The following LRMDA variants were observed in gnomAD, a reference collection of about 807,000 sequenced individuals.
LRMDA encodes leucine rich melanocyte differentiation associated, also known as leucine-rich melanocyte differentiation-associated protein.
A neutral mutation model predicts 29.8 loss-of-function variants in LRMDA; 18 were observed. That is an observed-to-expected ratio of 0.60 (90% CI 0.42 to 0.90). The LOEUF is 0.90. Ranked by LOEUF, LRMDA falls within the 40% of genes least tolerant of loss-of-function variation. LRMDA has a pLI of 0.00. For missense variants in LRMDA, 273 were observed against 273.9 expected (o/e 1.00, Z 0.02); for synonymous variants, 125 against 109.4 (o/e 1.14, Z -0.89).
intron 2 of LRMDA, among the ~76,000 whole-genome samples, chr10:75,686,428 A>G (rs1263227345): frequency 6.6e-6 from 1 of 152,176 alleles, no homozygotes; most frequent in Non-Finnish European, 1.5e-5. Flanking sequence ...TGTTTTCTCC[A>G]TGGTGCTTGC....
chr10:76,338,397 T>TAAATAAAA (rs775759225), intron 6 of LRMDA, among the ~76,000 whole-genome samples: 1 of 149,760 alleles, frequency 6.7e-6, no homozygotes, highest in African/African-American at 2.5e-5. Flanking sequence ...AATAAATAAA[T>TAAATAAAA]AATAAATAAA....
At chr10:75,552,112 T>G (rs1163600977) in intron 2 of LRMDA, among the ~76,000 whole-genome samples, 3 of 152,126 alleles carry the variant, frequency 2.0e-5, no homozygotes, top group Non-Finnish European at 4.4e-5. Flanking sequence ...ATTATCCACA[T>G]TTTAATCATT....
intron 2 of LRMDA, among the ~76,000 whole-genome samples, chr10:75,646,835 G>A (rs897429008): frequency 2.0e-5 from 3 of 152,142 alleles, no homozygotes; most frequent in East Asian, 1.9e-4. Flanking sequence ...AGGTACTAAC[G>A]AAGTAATATA....
chr10:76,097,751 A>G (rs2132098731), intron 5 of LRMDA, among the ~76,000 whole-genome samples: 1 of 152,316 alleles, frequency 6.6e-6, no homozygotes, highest in South Asian at 2.1e-4. Flanking sequence ...CCAGCCTTGC[A>G]TTCCCAGGAT....
At chr10:76,438,031 C>G (rs900793910) in intron 6 of LRMDA, among the ~76,000 whole-genome samples, 5 of 152,124 alleles carry the variant, frequency 3.3e-5, no homozygotes, top group African/African-American at 1.2e-4. Context: ...CTTCACTTAC[C>G]CTTAGTGTGA....
At chr10:75,474,858 C>G (rs868727299) in intron 2 of LRMDA, among the ~76,000 whole-genome samples, 1 of 152,268 alleles carries the variant, frequency 6.6e-6, no homozygotes. Flanking sequence ...CCTGAAGACC[C>G]CTGCTAGTGT....
intron 2 of LRMDA, among the ~76,000 whole-genome samples, chr10:75,980,507 A>C (rs1382289473): frequency 6.6e-6 from 1 of 152,060 alleles, no homozygotes; most frequent in Non-Finnish European, 1.5e-5. Flanking sequence ...AACTTGATAG[A>C]TTTTTTTGGC....
Position 75,943,780 on chromosome 10 carries a change from A to G in LRMDA, c.132-92228A>G, listed in dbSNP as rs533362459. On this transcript the variant is annotated intron_variant, in intron 2 of 6. Coordinates refer to ENST00000611255, the MANE Select transcript of LRMDA (RefSeq NM_001305581.2). ...TTCATGAAATAGTAGGGCTGAAAGG[A>G]GCTTTGGGTAGTTATCTAGCTCAAT... Among the ~76,000 whole-genome samples, 6 of 152,304 alleles carry G rather than the reference A, an allele frequency of 3.9e-5. No individual in the cohort carries two copies. The South Asian group carries it at 1.2e-3, about 32-fold the overall frequency.
chr10:75,851,004 GT>G (rs951796526), intron 2 of LRMDA, among the ~76,000 whole-genome samples: 1 of 152,010 alleles, frequency 6.6e-6, no homozygotes, highest in African/African-American at 2.4e-5. Flanking sequence ...AAAAAAAATT[GT>G]TTTTTTAACC....
intron 2 of LRMDA, among the ~76,000 whole-genome samples, chr10:75,577,056 A>G (rs935443230): frequency 1.3e-5 from 2 of 152,190 alleles, no homozygotes; most frequent in African/African-American, 4.8e-5. Context: ...CTGACAGAAG[A>G]AGGCTTCAGA....
At chr10:76,084,361 C>A in intron 5 of LRMDA, among the ~76,000 whole-genome samples, 1 of 126,998 alleles carries the variant, frequency 7.9e-6, no homozygotes, top group South Asian at 2.6e-4. Flanking sequence ...CTGCGCCCAG[C>A]TAATTTTTTT....
intron 2 of LRMDA, among the ~76,000 whole-genome samples, chr10:75,833,773 G>T (rs1011034135): frequency 3.9e-5 from 6 of 152,182 alleles, no homozygotes; most frequent in African/African-American, 9.7e-5. Context: ...AAAATCAGAA[G>T]TAAGTTGTCT....
intron 6 of LRMDA, among the ~76,000 whole-genome samples, chr10:76,478,030 A>G (rs1308249620): frequency 4.6e-5 from 7 of 152,198 alleles, no homozygotes; most frequent in Non-Finnish European, 1.0e-4. Flanking sequence ...AGCAATGGCA[A>G]CAAAAGCCAA....
intron 6 of LRMDA, among the ~76,000 whole-genome samples, chr10:76,506,679 G>A (rs757918835): frequency 3.8e-4 from 57 of 151,832 alleles, no homozygotes; most frequent in South Asian, 6.2e-4. Context: ...TTAGCTCCAT[G>A]GCATAAGTAT....
At chr10:76,169,882 G>T (rs1405681342) in intron 5 of LRMDA, among the ~76,000 whole-genome samples, 2 of 152,164 alleles carry the variant, frequency 1.3e-5, no homozygotes, top group Non-Finnish European at 2.9e-5. Context: ...TGTTTACTGT[G>T]AGGCTGCCCC....
At chr10:75,924,981 T>C (rs1846095139) in intron 2 of LRMDA, among the ~76,000 whole-genome samples, 1 of 152,206 alleles carries the variant, frequency 6.6e-6, no homozygotes. Flanking sequence ...GTGGCTTTCT[T>C]ACAAGTGCAC....
intron 2 of LRMDA, among the ~76,000 whole-genome samples, chr10:75,656,778 T>C (rs1841680896): frequency 6.6e-6 from 1 of 152,242 alleles, no homozygotes; most frequent in South Asian, 2.1e-4. Flanking sequence ...AAGACTTAAA[T>C]TTATATATCA....
At chr10:75,708,946 T>C (rs1842403496) in intron 2 of LRMDA, among the ~76,000 whole-genome samples, 1 of 152,194 alleles carries the variant, frequency 6.6e-6, no homozygotes, top group African/African-American at 2.4e-5. Context: ...AAAGAACTTG[T>C]GTTTGAAGGC....
intron 2 of LRMDA, among the ~76,000 whole-genome samples, chr10:75,724,250 C>G (rs1332927102): frequency 1.3e-5 from 2 of 152,164 alleles, no homozygotes; most frequent in African/African-American, 4.8e-5. Context: ...TTATCTTCAA[C>G]TACATTAGTC....
Sources: allele counts gnomAD v4.1 joint callset (sites outside exome capture counted in the v4.1 genomes callset), GRCh38; gene constraint gnomAD v4.1.1; transcripts MANE v1.5; gene names NCBI Gene and HGNC (gene_info 2026-07-23, HGNC 2026-07-21).